GALR1: variants seen among roughly 807,000 people sequenced by gnomAD.
GALR1 encodes the protein galanin receptor type 1.
A neutral mutation model predicts 17.9 loss-of-function variants in GALR1; 11 were observed. The ratio of observed to expected loss-of-function variants is 0.62; its 90% confidence interval spans 0.39 to 1.02. The LOEUF (loss-of-function observed/expected upper bound fraction) is 1.02. Among genes scored for constraint, GALR1 ranks in the 50% least tolerant of loss-of-function variants. GALR1 has a pLI of 0.01. For synonymous variants in GALR1, 206 were observed against 205.7 expected (o/e 1.00, Z -0.01); for missense variants, 441 against 456.9 (o/e 0.97, Z 0.32).
At chr18:77,252,947 CCA>C (rs1912484864) in intron 1 of GALR1, among the ~76,000 whole-genome samples, 2 of 57,780 alleles carry the variant, frequency 3.5e-5, no homozygotes, top group East Asian at 8.2e-4. Flanking sequence ...ACCACCACCA[CCA>C]TCACCACCAT....
At position 77,256,142 on chromosome 18, in the gene GALR1, A is replaced by G. The variant is rs1387003208; in HGVS notation, c.667-16A>G. The G allele has an allele frequency of 1.5e-5, 23 of 1,536,542 alleles. No individual in the cohort carries two copies. The highest frequency in any genetic ancestry group is 3.4e-5 in the South Asian group (3 of 89,054). On this transcript the variant is annotated splice_polypyrimidine_tract_variant and intron_variant, in intron 1 of 2. Coordinates refer to ENST00000299727, the MANE Select transcript of GALR1 (RefSeq NM_001480.4). Reference sequence around the variant, plus strand: ...AGAGGTGAGGCGAACTGATTTCAATAGTCTGTGTCTTTCAGGTCCTTAATC... The same window carrying G: ...AGAGGTGAGGCGAACTGATTTCAATGGTCTGTGTCTTTCAGGTCCTTAATC...
rs1913006358 is a variant in GALR1 at position 77,268,970 on chromosome 18, G to A, written c.*68G>A. 8.5e-6 allele frequency: 10 copies of A among 1,172,928 alleles called. No individual in the cohort carries two copies. In the Admixed American group the frequency reaches 1.2e-4, roughly 15 times the overall value. The allele number at this position is 1,172,928 out of a possible 1,614,324, so 72.7% of individuals were successfully genotyped here. ...GACCAGACACAGAAACAAACAGAAT[G>A]AGCTAGTAAGCGATGCTGCAACTTG... On this transcript the variant is annotated 3_prime_UTR_variant, in exon 3 of 3. Coordinates refer to ENST00000299727, the MANE Select transcript of GALR1 (RefSeq NM_001480.4).
intron 2 of GALR1, among the ~76,000 whole-genome samples, chr18:77,258,370 A>G (rs1418093720): frequency 6.6e-6 from 1 of 152,168 alleles, no homozygotes; most frequent in Non-Finnish European, 1.5e-5. Context: ...CTTAACAGCT[A>G]CTGAACAGAT....
chr18:77,259,465 G>A (rs1599360142), intron 2 of GALR1, among the ~76,000 whole-genome samples: 2 of 151,358 alleles, frequency 1.3e-5, no homozygotes, highest in Admixed American at 1.3e-4. Context: ...GGTGATGGTG[G>A]TGATGGTGGC....
intron 1 of GALR1, 21 bp downstream of exon 1, chr18:77,251,235 C>T: frequency 6.3e-7 from 1 of 1,576,092 alleles, no homozygotes; most frequent in East Asian, 2.3e-5. Context: ...GTCGCGGGGC[C>T]GAGACGCGCG....
rs1913097494 is a variant in GALR1, at chr18:77,273,337, T to C, written c.*4435T>C. 6.6e-6 allele frequency: 1 copy of C among 152,194 alleles called. No individual in the cohort carries two copies. Among genetic ancestry groups the C allele is most frequent in the Non-Finnish European group, 1.5e-5 (1 of 68,102 alleles). The allele number at this position is 152,194 out of a possible 1,614,324, so 9.4% of individuals were successfully genotyped here. A position where few individuals can be genotyped will look rare whatever the true frequency, so the allele number is the denominator to read the frequency against. The stretch of plus-strand genomic sequence containing the variant: ...TAGTGGGAGAGGCCATAATCGTGAA[T>C]GATGAATAAGAAGGGAAGGTGGGGC... On this transcript the variant is annotated 3_prime_UTR_variant, in exon 3 of 3. Coordinates refer to ENST00000299727, the MANE Select transcript of GALR1 (RefSeq NM_001480.4).
chr18:77,262,235 G>A (rs1466364865), intron 2 of GALR1, among the ~76,000 whole-genome samples: 3 of 148,644 alleles, frequency 2.0e-5, no homozygotes, highest in African/African-American at 7.4e-5. Context: ...AAAAAAAAAA[G>A]CTTTGCACTG....
In GALR1 at chr18:77,274,182, CA is replaced by C. The variant is rs1198291934; in HGVS notation, c.*5282del. On this transcript the variant is annotated 3_prime_UTR_variant, in exon 3 of 3. Coordinates refer to ENST00000299727, the MANE Select transcript of GALR1 (RefSeq NM_001480.4). ...ATTTGCTGGCTAGATTGTCCAAAAA[CA>C]AGCTCACTTGTTTTTGGGCAATCTA... 6.6e-6 allele frequency: 1 copy of C among 151,984 alleles called. No individual in the cohort carries two copies. The highest frequency in any genetic ancestry group is 2.4e-5 in the African/African-American group (1 of 41,348). 9.4% of individuals were successfully genotyped at this position (151,984 alleles called of 1,614,324 possible). A position where few individuals can be genotyped will look rare whatever the true frequency, so the allele number is the denominator to read the frequency against.
At chr18:77,256,613 C>T (rs763560521) in intron 2 of GALR1, among the ~76,000 whole-genome samples, 1 of 152,054 alleles carries the variant, frequency 6.6e-6, no homozygotes. Flanking sequence ...GATGTGATTC[C>T]GAAAAGCCCT....
In GALR1 at chr18:77,276,971, A is replaced by G. The variant is rs527810967; in HGVS notation, c.*8069A>G. ...GTGGAAAAGAGCACCTATGCATTCA[A>G]TTTGTTTCCCTCAAATGCTAAGGGT... On this transcript the variant is annotated 3_prime_UTR_variant, in exon 3 of 3. Transcript: ENST00000299727. 6.9e-4 allele frequency: 105 copies of G among 152,324 alleles called. No homozygotes were observed. Among genetic ancestry groups the G allele is most frequent in the Middle Eastern group, 3.4e-3 (1 of 294 alleles). 9.4% of individuals were successfully genotyped at this position (152,324 alleles called of 1,614,324 possible).
At position 77,250,951 on chromosome 18, in the gene GALR1, G is replaced by T. The variant is rs1428634234; in HGVS notation, c.403G>T (p.Val135Leu). 6.9e-6 allele frequency: 11 copies of T among 1,604,216 alleles called. No homozygotes were observed. In the South Asian group the frequency reaches 1.2e-4, roughly 18 times the overall value. ...GGCCGCGATGTCCGTGGACCGCTAC[G>T]TGGCCATCGTGCACTCGCGGCGCTC... Reference protein sequence around the residue: ...TLAAMSVDRYVAIVHSRRSSS... With the variant: ...TLAAMSVDRYLAIVHSRRSSS... Residue 135 changes from valine to leucine, a missense_variant, in exon 1 of 3, where the codon GTG becomes TTG. Coordinates refer to ENST00000299727, the MANE Select transcript of GALR1 (RefSeq NM_001480.4).
intron 2 of GALR1, among the ~76,000 whole-genome samples, chr18:77,264,280 A>G (rs944595487): frequency 6.6e-6 from 1 of 151,676 alleles, no homozygotes; most frequent in African/African-American, 2.4e-5. Context: ...AGGAAGTCCT[A>G]TGTCCCAAGG....
At position 77,269,929 on chromosome 18, in the gene GALR1, A is replaced by G. The variant is rs1252948715; in HGVS notation, c.*1027A>G. 6.6e-6 allele frequency: 1 copy of G among 152,256 alleles called. No homozygotes were observed. The highest frequency in any genetic ancestry group is 1.9e-4 in the East Asian group (1 of 5,200). The allele number at this position is 152,256 out of a possible 1,614,324, so 9.4% of individuals were successfully genotyped here. A position where few individuals can be genotyped will look rare whatever the true frequency, so the allele number is the denominator to read the frequency against. On this transcript the variant is annotated 3_prime_UTR_variant, in exon 3 of 3. Transcript: ENST00000299727. ...TCATGGGACTGAATATACCTGGGGT[A>G]TCCTATCTTGTACAAATGCATGCTT...
intron 1 of GALR1, chr18:77,253,884 A>G (rs1178602615): frequency 6.6e-6 from 1 of 152,204 alleles, no homozygotes; most frequent in East Asian, 1.9e-4. Flanking sequence ...TGCACCAGAC[A>G]GTTTCTGGGA....
chr18:77,263,775 A>G (rs988453246), intron 2 of GALR1, among the ~76,000 whole-genome samples: 2 of 152,112 alleles, frequency 1.3e-5, no homozygotes, highest in Non-Finnish European at 2.9e-5. Flanking sequence ...AAGAGCTGGC[A>G]TCTCATGCGT....
intron 1 of GALR1, among the ~76,000 whole-genome samples, chr18:77,253,583 T>C (rs1406872249): frequency 2.0e-5 from 3 of 152,322 alleles, no homozygotes; most frequent in East Asian, 3.9e-4. Context: ...TGCAAGTTAA[T>C]TTCAGGGCTG....
At chr18:77,253,101 C>T (rs1462772585) in intron 1 of GALR1, among the ~76,000 whole-genome samples, 4 of 151,080 alleles carry the variant, frequency 2.6e-5, no homozygotes, top group Admixed American at 2.0e-4. Context: ...TCTAGCTTAG[C>T]TATTTGGAAA....
At chr18:77,265,184 A>G (rs1049809105) in intron 2 of GALR1, among the ~76,000 whole-genome samples, 1 of 152,230 alleles carries the variant, frequency 6.6e-6, no homozygotes, top group African/African-American at 2.4e-5. Flanking sequence ...ATGGGAGTAC[A>G]GGCATTGGGG....
intron 2 of GALR1, among the ~76,000 whole-genome samples, chr18:77,262,312 C>G (rs1286839343): frequency 6.6e-6 from 1 of 151,950 alleles, no homozygotes; most frequent in Non-Finnish European, 1.5e-5. Context: ...CATTATTTTG[C>G]CAGATCTTTA....
Sources: allele counts gnomAD v4.1 joint callset (sites outside exome capture counted in the v4.1 genomes callset), GRCh38; gene constraint gnomAD v4.1.1; transcripts MANE v1.5; gene names NCBI Gene and HGNC (gene_info 2026-07-23, HGNC 2026-07-21).